SLC39A8: variants seen among roughly 807,000 people sequenced by gnomAD.
SLC39A8 encodes the protein solute carrier family 39 member 8.
Under a neutral mutation model 40.4 loss-of-function variants are expected in SLC39A8, and 15 were observed. The observed-to-expected ratio is 0.37, with a 90% CI of 0.25 to 0.57. SLC39A8 has a LOEUF of 0.57. Ranked by LOEUF, SLC39A8 falls within the 20% of genes least tolerant of loss-of-function variation. The pLI, the probability that SLC39A8 is intolerant of heterozygous loss-of-function variation, is 0.75. For missense variants in SLC39A8, 472 were observed against 558.8 expected, an observed-to-expected ratio of 0.84 and a Z score of 1.57; for synonymous variants, 223 against 221.6, an observed-to-expected ratio of 1.01 and a Z score of -0.06.
intron 6 of SLC39A8, among the ~76,000 whole-genome samples, chr4:102,273,627 C>T (rs1165911986): frequency 1.3e-5 from 2 of 152,184 alleles, no homozygotes; most frequent in African/African-American, 4.8e-5. Flanking sequence ...CAAGTGGGTC[C>T]CTGACCCCTG....
At chr4:102,280,467 T>C (rs1351966211) in intron 6 of SLC39A8, among the ~76,000 whole-genome samples, 1 of 152,200 alleles carries the variant, frequency 6.6e-6, no homozygotes, top group Non-Finnish European at 1.5e-5. Context: ...AAGGATTACA[T>C]AGACATGAAT....
intron 8 of SLC39A8, among the ~76,000 whole-genome samples, chr4:102,264,222 A>T (rs1731992221): frequency 6.6e-6 from 1 of 152,064 alleles, no homozygotes; most frequent in African/African-American, 2.4e-5. Context: ...AGTCAAAACT[A>T]CTCCATGGAC....
At chr4:102,258,457 C>T (rs1578549894), downstream of SLC39A8, among the ~76,000 whole-genome samples, 1 of 152,088 alleles carries the variant, frequency 6.6e-6, no homozygotes, top group African/African-American at 2.4e-5. Context: ...ATATAAAATC[C>T]TACAATTACT....
At chr4:102,306,633 C>T (rs541634779) in intron 4 of SLC39A8, among the ~76,000 whole-genome samples, 11 of 152,084 alleles carry the variant, frequency 7.2e-5, no homozygotes, top group African/African-American at 2.6e-4. Context: ...GGGTTTGTCT[C>T]TCCCTGTGTG....
intron 6 of SLC39A8, among the ~76,000 whole-genome samples, chr4:102,275,911 G>A (rs528003736): frequency 4.6e-5 from 7 of 152,128 alleles, no homozygotes; most frequent in Non-Finnish European, 8.8e-5. Context: ...AATTAAGGCA[G>A]AAAGAAATAA....
chr4:102,270,742 A>C (rs1732318775), intron 6 of SLC39A8, among the ~76,000 whole-genome samples: 2 of 152,096 alleles, frequency 1.3e-5, no homozygotes, highest in Non-Finnish European at 2.9e-5. Context: ...AACACCTTTC[A>C]CTTAGTTATT....
chr4:102,337,633 A>G (rs947921404), intron 2 of SLC39A8, among the ~76,000 whole-genome samples: 1 of 152,066 alleles, frequency 6.6e-6, no homozygotes, highest in Non-Finnish European at 1.5e-5. Flanking sequence ...TGCACAAACC[A>G]CTTTCTCCAG....
intron 2 of SLC39A8, among the ~76,000 whole-genome samples, chr4:102,318,727 G>A (rs1048224678): frequency 2.6e-5 from 4 of 152,120 alleles, no homozygotes; most frequent in Non-Finnish European, 4.4e-5. Context: ...AACAAATTAC[G>A]GAAAGGGTAG....
chr4:102,256,707 G>A (rs1317460109), downstream of SLC39A8, among the ~76,000 whole-genome samples: 3 of 152,266 alleles, frequency 2.0e-5, no homozygotes, highest in Admixed American at 1.3e-4. Flanking sequence ...CGCACTTGTT[G>A]TGTATTCCTT....
intron 11 of SLC39A8, among the ~76,000 whole-genome samples, chr4:102,255,801 C>A (rs1731695834): frequency 6.6e-6 from 1 of 152,142 alleles, no homozygotes; most frequent in African/African-American, 2.4e-5. Flanking sequence ...AGTTTTGTCA[C>A]CACAAAGTGA....
intron 6 of SLC39A8, among the ~76,000 whole-genome samples, chr4:102,289,192 G>A (rs2149022674): frequency 6.6e-6 from 1 of 152,222 alleles, no homozygotes. Context: ...TACTCTGTCT[G>A]TGCTCTAGAA....
chr4:102,283,040 C>T (rs1470244927), intron 6 of SLC39A8, among the ~76,000 whole-genome samples: 2 of 152,164 alleles, frequency 1.3e-5, no homozygotes, highest in Non-Finnish European at 2.9e-5. Flanking sequence ...AGGCAGAAGA[C>T]TTTTATTGGC....
chr4:102,307,660 A>G lies in SLC39A8; in HGVS notation c.383-55T>C, dbSNP rs1734246162. 16 of 1,548,000 alleles carry G rather than the reference A, an allele frequency of 1.0e-5. No individual in the cohort carries two copies. The East Asian group carries it at 1.1e-4, about 11-fold the overall frequency. On this transcript the variant is annotated intron_variant, in intron 3 of 8. Transcript: ENST00000356736. ...ATTAATCAGAGCAAGGAACCAAATG[A>G]TGTTTTCCTGTACATTAAGCTTAAA...
chr4:102,258,111 GTTTTTT>G (rs761041063), downstream of SLC39A8, among the ~76,000 whole-genome samples: 1 of 143,830 alleles, frequency 7.0e-6, no homozygotes, highest in Non-Finnish European at 1.5e-5. Flanking sequence ...TTTGTTTTTT[GTTTTTT>G]TTTTTGAGAC....
intron 2 of SLC39A8, among the ~76,000 whole-genome samples, chr4:102,338,109 A>G (rs1735755963): frequency 6.6e-6 from 1 of 151,312 alleles, no homozygotes; most frequent in African/African-American, 2.4e-5. Context: ...GCCTTGTGAT[A>G]TGTTTTACAA....
intron 8 of SLC39A8, among the ~76,000 whole-genome samples, chr4:102,263,927 C>T (rs757782801): frequency 6.6e-6 from 1 of 152,156 alleles, no homozygotes; most frequent in Non-Finnish European, 1.5e-5. Flanking sequence ...GTCTCCACTT[C>T]TCATTCTAGT....
At chr4:102,328,046 GA>G (rs1735293950) in intron 2 of SLC39A8, among the ~76,000 whole-genome samples, 1 of 151,958 alleles carries the variant, frequency 6.6e-6, no homozygotes, top group African/African-American at 2.4e-5. Context: ...TAAATGAGAA[GA>G]AAAAAATTCC....
intron 6 of SLC39A8, among the ~76,000 whole-genome samples, chr4:102,270,517 C>A (rs1170935422): frequency 1.3e-5 from 2 of 152,180 alleles, no homozygotes; most frequent in Admixed American, 6.5e-5. Flanking sequence ...ATATGCCTAT[C>A]TCTCTCTTTC....
At chr4:102,281,678 T>C (rs1732881896) in intron 6 of SLC39A8, among the ~76,000 whole-genome samples, 1 of 151,906 alleles carries the variant, frequency 6.6e-6, no homozygotes. Context: ...GAGACAAATA[T>C]AAAGCTATTC....
Sources: allele counts gnomAD v4.1 joint callset (sites outside exome capture counted in the v4.1 genomes callset), GRCh38; gene constraint gnomAD v4.1.1; transcripts MANE v1.5; gene names NCBI Gene and HGNC (gene_info 2026-07-23, HGNC 2026-07-21).